Variants in ZNF487 observed in about 807,000 individuals in gnomAD.
ZNF487 encodes the protein KRAB domain only 1.
ZNF487 carries 4 observed loss-of-function variants against 3.0 expected under a neutral mutation model. The observed-to-expected ratio is 1.35, with a 90% CI of 0.66 to 3.08. The LOEUF (loss-of-function observed/expected upper bound fraction) is 3.08, where lower values mean the gene tolerates loss of function less well. ZNF487 is among the 30% of genes most tolerant of loss of function. ZNF487 has a pLI of 0.01. For missense variants in ZNF487, 146 were observed against 98.7 expected (o/e 1.48, Z -2.03); for synonymous variants, 55 against 34.6 (o/e 1.59, Z -2.06).
chr10:43,499,869 C>T, the ZNF487 span, among the ~76,000 whole-genome samples: 2 of 151,672 alleles, frequency 1.3e-5, no homozygotes, highest in South Asian at 4.2e-4. Flanking sequence ...TTCTAAGCAC[C>T]AGTCATCTAT....
chr10:43,459,749 G>A (rs947934084), intron 1 of ZNF487, among the ~76,000 whole-genome samples: 4 of 149,780 alleles, frequency 2.7e-5, no homozygotes, highest in Non-Finnish European at 5.9e-5. Flanking sequence ...GGGTTTTGCC[G>A]TGTTGCTCAG....
At chr10:43,505,833 G>A in the ZNF487 span, among the ~76,000 whole-genome samples, 323 of 152,106 alleles carry the variant, frequency 2.1e-3, no homozygotes, top group Non-Finnish European at 3.4e-3. Context: ...AGTAGAGACA[G>A]GATTTCACCA....
At chr10:43,523,148 C>T in the ZNF487 span, 1 of 152,136 alleles carries the variant, frequency 6.6e-6, no homozygotes, top group East Asian at 1.9e-4. Context: ...AGACCAGATG[C>T]CTGGGCTATC....
chr10:43,515,704 C>T, the ZNF487 span, among the ~76,000 whole-genome samples: 2 of 152,178 alleles, frequency 1.3e-5, no homozygotes, highest in Non-Finnish European at 2.9e-5. Flanking sequence ...GGAGATAAGA[C>T]TCACTCAGGG....
In ZNF487 at chr10:43,470,788, G is replaced by A. The variant is rs577945629; in HGVS notation, c.-93-4933G>A. On this transcript the variant is annotated intron_variant, in intron 1 of 3. Transcript: ENST00000437590. ...CCTACCTTGACCTCCCAAAGTGTTG[G>A]GATTACAGGTGAGAGCCACTGCACT... 1.6e-4 allele frequency among the ~76,000 whole-genome samples: 24 copies of A among 152,154 alleles called. No homozygotes were observed. The South Asian group carries it at 2.5e-3, about 16-fold the overall frequency.
At chr10:43,507,113 G>A in the ZNF487 span, among the ~76,000 whole-genome samples, 3 of 152,174 alleles carry the variant, frequency 2.0e-5, no homozygotes, top group African/African-American at 7.2e-5. Context: ...TGGGTTTGGT[G>A]TGTTTATAGG....
the ZNF487 span, among the ~76,000 whole-genome samples, chr10:43,499,952 C>T: frequency 6.6e-6 from 1 of 152,228 alleles, no homozygotes; most frequent in Middle Eastern, 3.4e-3. Context: ...GGTGCGGTCT[C>T]GGTTCACTGC....
chr10:43,513,862 G>A, the ZNF487 span, among the ~76,000 whole-genome samples: 1 of 152,070 alleles, frequency 6.6e-6, no homozygotes, highest in Admixed American at 6.5e-5. Flanking sequence ...GATGTTTTGG[G>A]TCCCCTGGAA....
At chr10:43,454,780 C>T (rs1840115914) in intron 1 of ZNF487, 1 of 151,984 alleles carries the variant, frequency 6.6e-6, no homozygotes, top group Non-Finnish European at 1.5e-5. Flanking sequence ...AGAATGCATT[C>T]TCTCTACACC....
At chr10:43,465,828 A>C (rs571448724) in intron 1 of ZNF487, among the ~76,000 whole-genome samples, 1 of 152,322 alleles carries the variant, frequency 6.6e-6, no homozygotes, top group South Asian at 2.1e-4. Flanking sequence ...TTGGGAGGCC[A>C]AGGCAGGCGG....
intron 1 of ZNF487, among the ~76,000 whole-genome samples, chr10:43,454,875 G>A (rs1428235411): frequency 1.4e-5 from 2 of 147,172 alleles, no homozygotes; most frequent in Admixed American, 6.9e-5. Flanking sequence ...TATCACTGCT[G>A]TGCAGTGAGC....
chr10:43,455,906 C>T (rs1022402562), intron 1 of ZNF487, among the ~76,000 whole-genome samples: 1 of 152,258 alleles, frequency 6.6e-6, no homozygotes, highest in Non-Finnish European at 1.5e-5. Context: ...CGGGCACCGC[C>T]CGCTCTAGCA....
At chr10:43,509,052 G>C in the ZNF487 span, among the ~76,000 whole-genome samples, 4 of 151,648 alleles carry the variant, frequency 2.6e-5, no homozygotes, top group African/African-American at 9.7e-5. Flanking sequence ...AAATTAGCTA[G>C]GCATGGTGGT....
At chr10:43,513,649 A>G in the ZNF487 span, among the ~76,000 whole-genome samples, 21 of 152,180 alleles carry the variant, frequency 1.4e-4, no homozygotes, top group South Asian at 4.1e-4. Flanking sequence ...CCACCATAAT[A>G]GCCCTTATCC....
At chr10:43,510,242 T>C in the ZNF487 span, among the ~76,000 whole-genome samples, 1 of 152,202 alleles carries the variant, frequency 6.6e-6, no homozygotes, top group Non-Finnish European at 1.5e-5. Flanking sequence ...GATGACTACC[T>C]TCATCTATTA....
chr10:43,477,717 C>T (rs534947358), intron 3 of ZNF487, among the ~76,000 whole-genome samples: 28 of 151,078 alleles, frequency 1.9e-4, no homozygotes, highest in Middle Eastern at 3.4e-3. Flanking sequence ...TTTGGGAGGC[C>T]GAGGCGGGTT....
At chr10:43,459,040 T>TA (rs1840322087) in intron 1 of ZNF487, among the ~76,000 whole-genome samples, 1 of 152,158 alleles carries the variant, frequency 6.6e-6, no homozygotes, top group African/African-American at 2.4e-5. Flanking sequence ...ATGGATACTT[T>TA]AGTGCTTGCC....
chr10:43,516,939 A>C, the ZNF487 span, among the ~76,000 whole-genome samples: 1 of 152,060 alleles, frequency 6.6e-6, no homozygotes, highest in Non-Finnish European at 1.5e-5. Flanking sequence ...GTTTTCCTTC[A>C]TCTCTAAAGG....
the ZNF487 span, among the ~76,000 whole-genome samples, chr10:43,502,555 C>A: frequency 1.3e-5 from 2 of 152,036 alleles, no homozygotes; most frequent in Non-Finnish European, 2.9e-5. Context: ...CTAAATAACT[C>A]ATTATTCACG....
Sources: gnomAD v4.1 joint callset for allele counts (sites outside exome capture counted in the v4.1 genomes callset) on GRCh38, gnomAD v4.1.1 for gene constraint, MANE v1.5 for transcripts, NCBI Gene and HGNC (gene_info 2026-07-23, HGNC 2026-07-21) for gene names.